EPB41L1: variants seen among roughly 807,000 people sequenced by gnomAD.
EPB41L1 encodes erythrocyte membrane protein band 4.1 like 1, also known as band 4.1-like protein 1.
A neutral mutation model predicts 97.8 loss-of-function variants in EPB41L1; 29 were observed. That is an observed-to-expected ratio of 0.30 (90% CI 0.22 to 0.40). EPB41L1 has a LOEUF of 0.40. EPB41L1 is among the 10% of genes least tolerant of loss of function. The pLI, the probability that EPB41L1 is intolerant of heterozygous loss-of-function variation, is 1.00. For missense variants in EPB41L1, 812 were observed against 1,162.3 expected (o/e 0.70, Z 4.38); for synonymous variants, 383 against 459.2 (o/e 0.83, Z 2.12).
intron 14 of EPB41L1, among the ~76,000 whole-genome samples, chr20:36,203,554 C>T (rs1037481069): frequency 6.6e-6 from 1 of 152,262 alleles, no homozygotes; most frequent in Non-Finnish European, 1.5e-5. Flanking sequence ...GGCATATTGA[C>T]TGGCTTTGGC....
chr20:36,169,032 C>T (rs1321082004), intron 1 of EPB41L1, among the ~76,000 whole-genome samples: 1 of 151,420 alleles, frequency 6.6e-6, no homozygotes, highest in Non-Finnish European at 1.5e-5. Flanking sequence ...TCGAGACCAA[C>T]CTGGCCAAGA....
intron 15 of EPB41L1, among the ~76,000 whole-genome samples, chr20:36,210,841 T>C (rs2037453399): frequency 6.6e-6 from 1 of 152,226 alleles, no homozygotes; most frequent in South Asian, 2.1e-4. Flanking sequence ...AGGCCTGGCA[T>C]ATACTAGGCA....
At chr20:36,170,057 C>T (rs370839114) in intron 1 of EPB41L1, among the ~76,000 whole-genome samples, 6 of 152,204 alleles carry the variant, frequency 3.9e-5, no homozygotes, top group Admixed American at 2.0e-4. Context: ...TCAGAAGCCA[C>T]GGCCACCTAG....
At chr20:36,216,244 A>G (rs1246831471) in intron 17 of EPB41L1, among the ~76,000 whole-genome samples, 36 of 152,216 alleles carry the variant, frequency 2.4e-4, no homozygotes, top group Non-Finnish European at 1.2e-4. Flanking sequence ...TGAGTGAGCT[A>G]TGCTTGAAGG....
Position 36,222,274 on chromosome 20 carries a change from C to T in EPB41L1, c.2521-4C>T. Reference sequence around the variant, plus strand: ...TTCCTTCCTTTGCTGTTCTTTACCACCAGGCCCTGGCTTTGGCCATCAAGG... The same window carrying T: ...TTCCTTCCTTTGCTGTTCTTTACCATCAGGCCCTGGCTTTGGCCATCAAGG... On this transcript the variant is annotated splice_polypyrimidine_tract_variant and splice_region_variant and intron_variant, in intron 20 of 21. Coordinates refer to ENST00000338074, the MANE Select transcript of EPB41L1 (RefSeq NM_012156.2). The T allele has an allele frequency of 6.2e-7, 1 of 1,611,620 alleles. No individual in the cohort carries two copies. Among genetic ancestry groups the T allele is most frequent in the Non-Finnish European group, 8.5e-7 (1 of 1,177,670 alleles).
chr20:36,113,811 T>C (rs916048558), intron 2 of EPB41L1: 2 of 152,534 alleles, frequency 1.3e-5, no homozygotes, highest in Non-Finnish European at 2.9e-5. Flanking sequence ...TATGTGCGCA[T>C]AGGGAAGGTG....
At chr20:36,161,106 G>C (rs1011718560) in intron 1 of EPB41L1, among the ~76,000 whole-genome samples, 5 of 152,200 alleles carry the variant, frequency 3.3e-5, no homozygotes, top group Admixed American at 1.3e-4. Flanking sequence ...CTGGAGCCTG[G>C]GGGAACTGGT....
chr20:36,163,465 T>G (rs563768697), intron 1 of EPB41L1, among the ~76,000 whole-genome samples: 27 of 152,340 alleles, frequency 1.8e-4, no homozygotes, highest in African/African-American at 6.5e-4. Flanking sequence ...ACGGTTCCCT[T>G]GCCTTCCTTG....
In EPB41L1 at chr20:36,219,812, C is replaced by G; in HGVS notation, c.2407C>G (p.Leu803Val). Reference sequence around the variant, plus strand: ...CACCTACGGCGCCACTGCGGAAACCCTCTCAACCTCCACCACCACCCATGT... The same window carrying G: ...CACCTACGGCGCCACTGCGGAAACCGTCTCAACCTCCACCACCACCCATGT... ...TSTYGATAETLSTSTTTHVTK... is the reference protein window; with the variant it reads ...TSTYGATAETVSTSTTTHVTK... The change falls in exon 19 of 22, where the codon CTC becomes GTC. Residue 803 changes from leucine (L) to valine (V), a missense_variant. Leu to Val is a conservative substitution (Grantham distance 32). Around this residue, in one of 3 missense-constraint regions of EPB41L1, gnomAD observed 498 missense variants for 622.7 expected, o/e 0.80. Coordinates refer to ENST00000338074, the MANE Select transcript of EPB41L1 (RefSeq NM_012156.2). The G allele has an allele frequency of 6.2e-7, 1 of 1,614,226 alleles. No individual in the cohort carries two copies. The highest frequency in any genetic ancestry group is 8.5e-7 in the Non-Finnish European group (1 of 1,180,036).
chr20:36,120,631 G>A (rs12625932), intron 2 of EPB41L1, among the ~76,000 whole-genome samples: 4 of 152,022 alleles, frequency 2.6e-5, no homozygotes, highest in East Asian at 3.8e-4. Flanking sequence ...TTCTCCTACC[G>A]ACCACCCCAG....
At chr20:36,210,785 G>A (rs1383069128) in intron 15 of EPB41L1, among the ~76,000 whole-genome samples, 1 of 152,178 alleles carries the variant, frequency 6.6e-6, no homozygotes, top group Non-Finnish European at 1.5e-5. Flanking sequence ...AAGCGGTCAG[G>A]TCAGTGGCTG....
rs1456822879 is a variant in EPB41L1, at chr20:36,097,277, T to C, written c.-65+5665T>C. Among the ~76,000 whole-genome samples, 3 of 152,190 alleles carry C rather than the reference T, an allele frequency of 2.0e-5. No individual in the cohort carries two copies. In the East Asian group the frequency reaches 5.8e-4, roughly 29 times the overall value. On this transcript the variant is annotated intron_variant, in intron 1 of 19. Transcript: ENST00000202028. ...CTTAGTAGTGGTTACTAGCACTGGC[T>C]CTACAGTCATTCGGGGCTTGCCATG...
intron 1 of EPB41L1, among the ~76,000 whole-genome samples, chr20:36,160,414 T>C (rs921253640): frequency 2.6e-5 from 4 of 152,038 alleles, no homozygotes; most frequent in African/African-American, 9.7e-5. Context: ...TGAAACCCCA[T>C]TTCTACTAAA....
At chr20:36,204,424 G>A (rs1266747647) in intron 14 of EPB41L1, among the ~76,000 whole-genome samples, 5 of 151,268 alleles carry the variant, frequency 3.3e-5, no homozygotes, top group Non-Finnish European at 5.9e-5. Flanking sequence ...ACTCTTGGGG[G>A]AGGTAGAGGC....
intron 2 of EPB41L1, among the ~76,000 whole-genome samples, chr20:36,126,613 G>T (rs911498428): frequency 2.0e-5 from 3 of 152,120 alleles, no homozygotes; most frequent in African/African-American, 7.2e-5. Flanking sequence ...TGATCCGCCC[G>T]CCTCGGCCTC....
rs1019540446 is a variant in EPB41L1, at chr20:36,093,971, CTT to C, written c.-65+2360_-65+2361del. Among the ~76,000 whole-genome samples the C allele has an allele frequency of 1.2e-4, 18 of 152,152 alleles. No homozygotes were observed. Among genetic ancestry groups the C allele is most frequent in the African/African-American group, 4.3e-4 (18 of 41,424 alleles). ...AAGGACTAGGAGGGAGAACCACTCTCTTAAAGGGCCAGCTCCTCACTCCAGGG... is the reference window on the plus strand; with the variant it reads ...AAGGACTAGGAGGGAGAACCACTCTCAAAGGGCCAGCTCCTCACTCCAGGG... On this transcript the variant is annotated intron_variant, in intron 1 of 19. Transcript: ENST00000202028. This position sits in a 1 kb window ranked among gnomAD's most constrained non-coding sequence, Gnocchi z 5.4.
chr20:36,201,595 A>C (rs959597744), intron 14 of EPB41L1, among the ~76,000 whole-genome samples: 3 of 152,240 alleles, frequency 2.0e-5, no homozygotes, highest in Admixed American at 6.5e-5. Flanking sequence ...GGAGGCAGGC[A>C]AAAGTGGACA....
intron 1 of EPB41L1, among the ~76,000 whole-genome samples, chr20:36,157,580 C>T (rs539488530): frequency 6.6e-6 from 1 of 152,220 alleles, no homozygotes; most frequent in South Asian, 2.1e-4. Context: ...AGGCCAGGGC[C>T]AGTCCAGGTG....
intron 14 of EPB41L1, among the ~76,000 whole-genome samples, chr20:36,200,000 G>T (rs914321705): frequency 1.3e-5 from 2 of 152,200 alleles, no homozygotes; most frequent in Non-Finnish European, 2.9e-5. Flanking sequence ...CTGCTCAGCC[G>T]CAAGAAGTAT....
Sources: gnomAD v4.1 joint callset for allele counts (sites outside exome capture counted in the v4.1 genomes callset) on GRCh38, gnomAD v4.1.1 for gene constraint, gnomAD v4.1.1 regional missense constraint, Gnocchi (gnomAD v3.1) non-coding constraint, MANE v1.5 for transcripts, NCBI Gene and HGNC (gene_info 2026-07-23, HGNC 2026-07-21) for gene names.